Variants in PARD3 observed in about 807,000 individuals in gnomAD.
PARD3 encodes partitioning defective 3 homolog.
Under a neutral mutation model 155.4 loss-of-function variants are expected in PARD3, and 75 were observed. That is an observed-to-expected ratio of 0.48 (90% CI 0.40 to 0.58). The LOEUF is 0.58. Among genes scored for constraint, PARD3 ranks in the 20% least tolerant of loss-of-function variants. PARD3 has a pLI of 0.00. For missense variants in PARD3, 1,642 were observed against 1,721.7 expected (o/e 0.95, Z 0.82); for synonymous variants, 576 against 610.5 (o/e 0.94, Z 0.83).
At chr10:34,641,169 ACCT>A (rs1468250653) in intron 2 of PARD3, among the ~76,000 whole-genome samples, 2 of 152,250 alleles carry the variant, frequency 1.3e-5, no homozygotes, top group East Asian at 3.9e-4. Flanking sequence ...CTATGATGTG[ACCT>A]CCTTACCACG....
At chr10:34,152,216 T>C (rs959807362) in intron 22 of PARD3, among the ~76,000 whole-genome samples, 2 of 152,122 alleles carry the variant, frequency 1.3e-5, no homozygotes, top group African/African-American at 4.8e-5. Context: ...TAAAAAAAAA[T>C]TCCATCAACC....
chr10:34,453,114 G>A (rs558510768), intron 4 of PARD3, among the ~76,000 whole-genome samples: 16 of 152,244 alleles, frequency 1.1e-4, no homozygotes, highest in African/African-American at 3.6e-4. Context: ...AAACACTATA[G>A]GTAGACCAGA....
intron 24 of PARD3, among the ~76,000 whole-genome samples, chr10:34,117,982 T>A (rs1195564500): frequency 2.0e-5 from 3 of 152,130 alleles, no homozygotes; most frequent in African/African-American, 7.2e-5. Flanking sequence ...ATGGGCAGAT[T>A]CAGGTTTGAA....
chr10:34,605,555 A>ATATC (rs1363176612), intron 2 of PARD3, among the ~76,000 whole-genome samples: 2 of 70,006 alleles, frequency 2.9e-5, no homozygotes, highest in Non-Finnish European at 4.6e-5. Flanking sequence ...ATATATATAT[A>ATATC]TCTCCTATAT....
intron 3 of PARD3, among the ~76,000 whole-genome samples, chr10:34,471,911 G>A (rs2078373808): frequency 6.6e-6 from 1 of 152,124 alleles, no homozygotes; most frequent in Non-Finnish European, 1.5e-5. Context: ...GTTCTAGGAG[G>A]GATATTTTTG....
intron 1 of PARD3, among the ~76,000 whole-genome samples, chr10:34,781,962 G>A (rs1294738468): frequency 6.6e-6 from 1 of 152,180 alleles, no homozygotes; most frequent in Non-Finnish European, 1.5e-5. Context: ...CCCCTTCACA[G>A]TACATAAACA....
intron 1 of PARD3, among the ~76,000 whole-genome samples, chr10:34,727,083 G>A (rs1467618121): frequency 6.6e-6 from 1 of 152,184 alleles, no homozygotes; most frequent in Non-Finnish European, 1.5e-5. Context: ...TATCCTTAGA[G>A]CCCACAAAGC....
chr10:34,391,142 C>A (rs1842833868), intron 7 of PARD3, among the ~76,000 whole-genome samples: 1 of 152,062 alleles, frequency 6.6e-6, no homozygotes, highest in African/African-American at 2.4e-5. Context: ...CCCACTTAAC[C>A]CACCCAAACA....
chr10:34,504,864 C>T (rs536734214), intron 3 of PARD3, among the ~76,000 whole-genome samples: 38 of 152,176 alleles, frequency 2.5e-4, no homozygotes, highest in Admixed American at 1.0e-3. Flanking sequence ...AATAAGCAAA[C>T]GTATTATCAA....
In PARD3 at chr10:34,269,657, C is replaced by G; in HGVS notation, c.3419G>C (p.Ser1140Thr). The G allele has an allele frequency of 6.2e-7, 1 of 1,613,352 alleles. No homozygotes were observed. The highest frequency in any genetic ancestry group is 1.7e-5 in the Admixed American group (1 of 59,968). ...TACCACGATTGCCCCTGGCGCCTAC[C>G]TGTCTACAGGTGAGGGTTTGGAATT... ...PRNSKPSPVD[S>T]NRSTPSNHDR... Residue 1140 changes from serine to threonine, a missense_variant and splice_region_variant, in exon 22 of 25, where the codon AGT becomes ACT. Physicochemically the swap from Ser to Thr is moderately conservative, Grantham distance 58 (BLOSUM62 1). This residue lies in a region of PARD3 where 1,529 missense variants were observed against 1,587.3 expected (regional missense o/e 0.96). Transcript: ENST00000374788.
intron 1 of PARD3, among the ~76,000 whole-genome samples, chr10:34,757,872 T>C (rs151235825): frequency 6.6e-6 from 1 of 152,288 alleles, no homozygotes; most frequent in East Asian, 1.9e-4. Flanking sequence ...ATTTTGTCCT[T>C]GCACTGGAAG....
At chr10:34,546,971 A>G (rs2133935429) in intron 2 of PARD3, among the ~76,000 whole-genome samples, 1 of 152,346 alleles carries the variant, frequency 6.6e-6, no homozygotes, top group East Asian at 1.9e-4. Flanking sequence ...AACACACAAA[A>G]GCAATACTTC....
At chr10:34,757,593 C>T (rs1340233091) in intron 1 of PARD3, among the ~76,000 whole-genome samples, 4 of 151,940 alleles carry the variant, frequency 2.6e-5, no homozygotes, top group Non-Finnish European at 4.4e-5. Flanking sequence ...CGCCTATAAA[C>T]CCAGCTACTC....
chr10:34,578,050 C>CTTTTTTTT (rs11404097), intron 2 of PARD3, among the ~76,000 whole-genome samples: 1 of 146,290 alleles, frequency 6.8e-6, no homozygotes. Context: ...TTCTGTTGCT[C>CTTTTTTTT]TTTTTTTTTT....
chr10:34,377,947 C>G lies in PARD3; in HGVS notation c.1539+20G>C. The G allele has an allele frequency of 6.7e-7, 1 of 1,503,604 alleles. No homozygotes were observed. Among genetic ancestry groups the G allele is most frequent in the East Asian group, 2.6e-5 (1 of 38,332 alleles). The allele number at this position is 1,503,604 out of a possible 1,614,324, so 93.1% of individuals were successfully genotyped here. Reference sequence around the variant, plus strand: ...AACATTTCAAGAATCAGGGAACATCCTGCTGGGGAAGTCACTTACCTCTAT... The same window carrying G: ...AACATTTCAAGAATCAGGGAACATCGTGCTGGGGAAGTCACTTACCTCTAT... On this transcript the variant is annotated intron_variant, in intron 10 of 24. Transcript: ENST00000374788.
chr10:34,334,580 C>CT (rs1222778935), intron 18 of PARD3, among the ~76,000 whole-genome samples: 1 of 151,650 alleles, frequency 6.6e-6, no homozygotes, highest in Non-Finnish European at 1.5e-5. Flanking sequence ...TTTTCACTGT[C>CT]TAATATTAGG....
intron 6 of PARD3, among the ~76,000 whole-genome samples, chr10:34,399,706 G>A (rs985980753): frequency 6.6e-6 from 1 of 152,096 alleles, no homozygotes; most frequent in African/African-American, 2.4e-5. Flanking sequence ...CTCTTGGACC[G>A]ACCCTATTCT....
intron 22 of PARD3, among the ~76,000 whole-genome samples, chr10:34,164,170 A>C (rs1949414024): frequency 6.6e-6 from 1 of 152,226 alleles, no homozygotes; most frequent in South Asian, 2.1e-4. Flanking sequence ...CCAACTAAGG[A>C]AGAAAAGGAA....
chr10:34,749,437 TTGAAGGTTATAAAAA>T lies in PARD3; in HGVS notation c.121-53033_121-53019del, dbSNP rs1291399246. On this transcript the variant is annotated intron_variant, in intron 1 of 24. Coordinates refer to ENST00000374788, the MANE Select transcript of PARD3 (RefSeq NM_001184785.2). ...TATACAACTAAGAGGATTATTAGTT[TTGAAGGTTATAAAAA>T]TGAAGGTTATAAAAAATATATAATA... 1.3e-3 allele frequency among the ~76,000 whole-genome samples: 200 copies of T among 151,850 alleles called. 3 individuals carry two copies. The South Asian group carries it at 0.016, about 12-fold the overall frequency.
Sources: gnomAD v4.1 joint callset for allele counts (sites outside exome capture counted in the v4.1 genomes callset) on GRCh38, gnomAD v4.1.1 for gene constraint, gnomAD v4.1.1 regional missense constraint, MANE v1.5 for transcripts, NCBI Gene and HGNC (gene_info 2026-07-23, HGNC 2026-07-21) for gene names.